AFG1L: variants seen among roughly 807,000 people sequenced by gnomAD.
The protein encoded by AFG1L is AFG1 like ATPase.
In AFG1L, 53 loss-of-function variants were observed where a neutral mutation model predicts 62.2. The ratio of observed to expected loss-of-function variants is 0.85; its 90% CI spans 0.68 to 1.07. The LOEUF (loss-of-function observed/expected upper bound fraction) is 1.07. AFG1L is among the 50% of genes least tolerant of loss of function. The probability of loss-of-function intolerance (pLI) is 0.00; values close to 1 mark genes in which losing one functional copy is unlikely to be tolerated. For synonymous variants in AFG1L, 228 were observed against 210.3 expected (o/e 1.08, Z -0.73); for missense variants, 555 against 590.5 (o/e 0.94, Z 0.62).
At position 108,492,123 on chromosome 6, in the gene AFG1L, T is replaced by C. The variant is rs569210113; in HGVS notation, c.1062+14831T>C. Among the ~76,000 whole-genome samples the C allele has an allele frequency of 9.2e-5, 14 of 152,304 alleles. No individual in the cohort carries two copies. The East Asian group carries it at 1.7e-3, about 19-fold the overall frequency. On this transcript the variant is annotated intron_variant, in intron 10 of 12. Transcript: ENST00000368977. ...CTTTTTCATTTTGGGATCCTAAATA[T>C]CTCTTTTTGTGCCACTTAGCTCTGA...
chr6:108,386,809 A>AT (rs370800314), intron 6 of AFG1L, among the ~76,000 whole-genome samples: 1 of 152,174 alleles, frequency 6.6e-6, no homozygotes, highest in Non-Finnish European at 1.5e-5. Context: ...GTGTTTCTAC[A>AT]TTTTTTTGAA....
chr6:108,484,044 A>G (rs959798594), intron 10 of AFG1L, among the ~76,000 whole-genome samples: 5 of 152,188 alleles, frequency 3.3e-5, no homozygotes, highest in African/African-American at 1.2e-4. Context: ...ACTCTCAGTA[A>G]ATATCATACT....
intron 7 of AFG1L, among the ~76,000 whole-genome samples, chr6:108,415,968 A>G (rs924845802): frequency 6.6e-6 from 1 of 152,228 alleles, no homozygotes; most frequent in African/African-American, 2.4e-5. Flanking sequence ...AGAAACTACC[A>G]TCAGAGTGAA....
Position 108,469,828 on chromosome 6 carries a change from T to C in AFG1L, c.891-7037T>C, listed in dbSNP as rs1297118803. On this transcript the variant is annotated intron_variant, in intron 8 of 12. Coordinates refer to ENST00000368977, the MANE Select transcript of AFG1L (RefSeq NM_145315.5). The stretch of plus-strand genomic sequence containing the variant: ...AAGGCAGACTTATCTGCTTTCTCTT[T>C]TTGCTTTCCTCTGGTCCTGCCAGCC... Among the ~76,000 whole-genome samples, 5 of 152,190 alleles carry C rather than the reference T, an allele frequency of 3.3e-5. No homozygotes were observed. The East Asian group carries it at 9.6e-4, about 29-fold the overall frequency.
Position 108,474,634 on chromosome 6 carries a change from A to G in AFG1L, c.891-2231A>G, listed in dbSNP as rs1773037412. On this transcript the variant is annotated intron_variant, in intron 8 of 12. Coordinates refer to ENST00000368977, the MANE Select transcript of AFG1L (RefSeq NM_145315.5). ...TTTGATTTGCATTTCCCTAATGACCAGTGGTGTTGAGCCTTCTTTCATATG... is the reference window on the plus strand; with the variant it reads ...TTTGATTTGCATTTCCCTAATGACCGGTGGTGTTGAGCCTTCTTTCATATG... Among the ~76,000 whole-genome samples the G allele has an allele frequency of 2.0e-5, 3 of 152,178 alleles. No individual in the cohort carries two copies. In the South Asian group the frequency reaches 6.2e-4, roughly 32 times the overall value.
chr6:108,447,135 A>C (rs1771841611), intron 7 of AFG1L, 79 bp from the exon 8 acceptor site: 1 of 598,014 alleles, frequency 1.7e-6, no homozygotes, highest in Admixed American at 3.1e-5. Flanking sequence ...AAAATTTTAA[A>C]AATGTATAGT....
chr6:108,377,429 G>A (rs1365655576), intron 6 of AFG1L, among the ~76,000 whole-genome samples: 12 of 152,086 alleles, frequency 7.9e-5, no homozygotes, highest in Non-Finnish European at 2.9e-5. Flanking sequence ...TCTATTGTAA[G>A]GCTGCTCTAG....
chr6:108,495,274 G>A (rs187279148), intron 10 of AFG1L, among the ~76,000 whole-genome samples: 47 of 152,256 alleles, frequency 3.1e-4, no homozygotes, highest in Non-Finnish European at 5.1e-4. Flanking sequence ...AAGATACCAC[G>A]CATGTTTGTT....
chr6:108,482,476 TG>T (rs1773362709), intron 10 of AFG1L, among the ~76,000 whole-genome samples: 1 of 152,176 alleles, frequency 6.6e-6, no homozygotes, highest in African/African-American at 2.4e-5. Flanking sequence ...TACATTCATA[TG>T]GTATATCTGT....
At chr6:108,503,326 G>A (rs1009162841) in intron 10 of AFG1L, among the ~76,000 whole-genome samples, 7 of 152,128 alleles carry the variant, frequency 4.6e-5, no homozygotes, top group African/African-American at 1.7e-4. Context: ...TAAATAATTA[G>A]ACTTGAAAGT....
chr6:108,361,571 G>A lies in AFG1L; in HGVS notation c.649-4662G>A, dbSNP rs112031390. 8.7e-4 allele frequency among the ~76,000 whole-genome samples: 132 copies of A among 152,314 alleles called. 1 individual carries two copies. The highest frequency in any genetic ancestry group is 3.1e-3 in the African/African-American group (128 of 41,568). On this transcript the variant is annotated intron_variant, in intron 5 of 12. Coordinates refer to ENST00000368977, the MANE Select transcript of AFG1L (RefSeq NM_145315.5). ...GAATGGTTCATTTAAAGTAAAGGAA[G>A]CAGCAGGAAAAGTGAGGAGCCCCAT...
At chr6:108,297,994 T>C (rs538616485) in intron 1 of AFG1L, among the ~76,000 whole-genome samples, 1 of 152,264 alleles carries the variant, frequency 6.6e-6, no homozygotes, top group South Asian at 2.1e-4. Flanking sequence ...GGCACTTTGC[T>C]TGCAGTTTCT....
chr6:108,430,695 C>T (rs1771034704), intron 7 of AFG1L, among the ~76,000 whole-genome samples: 1 of 152,142 alleles, frequency 6.6e-6, no homozygotes, highest in Admixed American at 6.5e-5. Flanking sequence ...AATGATTGCC[C>T]TTGTTATTTT....
chr6:108,437,608 A>AAT (rs1771365673), intron 7 of AFG1L, among the ~76,000 whole-genome samples: 1 of 152,208 alleles, frequency 6.6e-6, no homozygotes, highest in Non-Finnish European at 1.5e-5. Flanking sequence ...AATTTACTAT[A>AAT]ATATAACCCA....
intron 6 of AFG1L, among the ~76,000 whole-genome samples, chr6:108,389,330 C>A (rs1373633008): frequency 3.9e-5 from 6 of 152,104 alleles, no homozygotes; most frequent in African/African-American, 1.4e-4. Flanking sequence ...ACTCTTTATC[C>A]AATTTGCCAG....
intron 10 of AFG1L, among the ~76,000 whole-genome samples, chr6:108,481,682 G>C (rs1773324796): frequency 6.6e-6 from 1 of 152,152 alleles, no homozygotes; most frequent in Non-Finnish European, 1.5e-5. Context: ...TCTCAACTTT[G>C]AGAACATGTC....
intron 6 of AFG1L, among the ~76,000 whole-genome samples, chr6:108,374,996 T>C (rs1484241308): frequency 6.6e-6 from 1 of 152,190 alleles, no homozygotes; most frequent in African/African-American, 2.4e-5. Flanking sequence ...TTGTGTCGTC[T>C]ATGTCTTTTA....
intron 2 of AFG1L, among the ~76,000 whole-genome samples, chr6:108,331,412 T>G (rs1778273962): frequency 6.6e-6 from 1 of 152,212 alleles, no homozygotes; most frequent in African/African-American, 2.4e-5. Context: ...AAATAAAGTA[T>G]ACCTTCTTCA....
intron 1 of AFG1L, among the ~76,000 whole-genome samples, chr6:108,322,523 G>T (rs992109875): frequency 1.7e-4 from 26 of 152,154 alleles, no homozygotes; most frequent in African/African-American, 6.3e-4. Context: ...GAGGCCAGGA[G>T]ATGTAATATG....
Sources: gnomAD v4.1 joint callset for allele counts (sites outside exome capture counted in the v4.1 genomes callset) on GRCh38, gnomAD v4.1.1 for gene constraint, MANE v1.5 for transcripts, NCBI Gene and HGNC (gene_info 2026-07-23, HGNC 2026-07-21) for gene names.